Variants in NBEA observed in about 807,000 individuals in gnomAD.
NBEA encodes the protein neurobeachin.
Under a neutral mutation model 343.4 loss-of-function variants are expected in NBEA, and 44 were observed. That is an observed-to-expected ratio of 0.13 (90% CI 0.10 to 0.16). The LOEUF is 0.16. Among genes scored for constraint, NBEA ranks in the 10% least tolerant of loss-of-function variants. The pLI is 1.00. For missense variants in NBEA, 2,555 were observed against 3,631.3 expected (o/e 0.70, Z 7.62); for synonymous variants, 1,175 against 1,238.7 (o/e 0.95, Z 1.08).
At chr13:35,130,473 T>C (rs73167768) in intron 17 of NBEA, among the ~76,000 whole-genome samples, 1 of 151,870 alleles carries the variant, frequency 6.6e-6, no homozygotes, top group African/African-American at 2.4e-5. Context: ...AGGCAAAAAA[T>C]TTAATGAGGA....
At chr13:35,471,844 G>A (rs942510982) in intron 40 of NBEA, among the ~76,000 whole-genome samples, 3 of 152,076 alleles carry the variant, frequency 2.0e-5, no homozygotes, top group East Asian at 1.9e-4. Context: ...GCACGCGTAT[G>A]TATGTGTGTG....
chr13:35,484,274 GTATATA>G (rs202233951), intron 41 of NBEA, among the ~76,000 whole-genome samples: 5,891 of 115,088 alleles, frequency 0.051, 313 homozygotes, highest in African/African-American at 0.13. Context: ...GTGTGTGTGT[GTATATA>G]TATATATATA....
At chr13:35,325,494 T>C (rs1173407952) in intron 36 of NBEA, among the ~76,000 whole-genome samples, 1 of 152,046 alleles carries the variant, frequency 6.6e-6, no homozygotes, top group African/African-American at 2.4e-5. Flanking sequence ...TAATGCTTTA[T>C]AGTTCCTTTT....
At chr13:35,567,057 G>T in intron 45 of NBEA, 40 bp downstream of exon 45, 1 of 1,074,744 alleles carries the variant, frequency 9.3e-7, no homozygotes, top group Non-Finnish European at 1.4e-6. Context: ...TCTTCATAAG[G>T]CTATAGTCTA....
At chr13:34,996,480 G>A (rs1037447881) in intron 1 of NBEA, among the ~76,000 whole-genome samples, 5 of 151,674 alleles carry the variant, frequency 3.3e-5, no homozygotes, top group East Asian at 1.9e-4. Flanking sequence ...GTGTGTGTGT[G>A]TATATATATA....
chr13:35,087,227 A>G (rs1446154499), intron 10 of NBEA, among the ~76,000 whole-genome samples: 1 of 151,800 alleles, frequency 6.6e-6, no homozygotes, highest in Non-Finnish European at 1.5e-5. Flanking sequence ...ATTTGTACTG[A>G]AACAATAAAA....
At chr13:35,255,705 G>T (rs1275687851) in intron 34 of NBEA, among the ~76,000 whole-genome samples, 1 of 152,226 alleles carries the variant, frequency 6.6e-6, no homozygotes, top group Admixed American at 6.5e-5. Flanking sequence ...CCCAGGCTTG[G>T]GGAGCCCCTA....
chr13:35,627,845 G>T (rs1197412891), intron 48 of NBEA, among the ~76,000 whole-genome samples: 3 of 151,982 alleles, frequency 2.0e-5, no homozygotes, highest in African/African-American at 7.3e-5. Flanking sequence ...TAGCATTTTA[G>T]AAAGGGAAAA....
At chr13:35,049,109 A>G (rs2062972218) in intron 5 of NBEA, among the ~76,000 whole-genome samples, 1 of 151,834 alleles carries the variant, frequency 6.6e-6, no homozygotes, top group South Asian at 2.1e-4. Context: ...ATAACTATGT[A>G]AGAAATTATA....
chr13:35,052,021 T>C (rs1467150282), intron 6 of NBEA, among the ~76,000 whole-genome samples: 2 of 152,030 alleles, frequency 1.3e-5, no homozygotes, highest in African/African-American at 4.8e-5. Flanking sequence ...GGAAAACACA[T>C]TCTCCTTTGT....
At chr13:35,062,270 A>T (rs1381850844) in intron 8 of NBEA, among the ~76,000 whole-genome samples, 1 of 151,796 alleles carries the variant, frequency 6.6e-6, no homozygotes, top group African/African-American at 2.4e-5. Context: ...AGCAGAATTA[A>T]TATGATAGAG....
chr13:35,670,164 C>T (rs1886548), intron 58 of NBEA, among the ~76,000 whole-genome samples: 23,638 of 152,136 alleles, frequency 0.16, 1,896 homozygotes, highest in South Asian at 0.26. Context: ...AGTGAAGCAA[C>T]ACTTTATGTA....
chr13:34,995,993 G>A (rs1041352884), intron 1 of NBEA, among the ~76,000 whole-genome samples: 1 of 152,190 alleles, frequency 6.6e-6, no homozygotes, highest in Non-Finnish European at 1.5e-5. Context: ...TTGTTAACTT[G>A]TAGCTGTTGA....
At chr13:35,383,066 C>T (rs1009182904) in intron 38 of NBEA, among the ~76,000 whole-genome samples, 1 of 152,164 alleles carries the variant, frequency 6.6e-6, no homozygotes, top group African/African-American at 2.4e-5. Context: ...TCTCACTATA[C>T]ACTGATTATA....
At chr13:35,380,906 C>T (rs1440992594) in intron 38 of NBEA, among the ~76,000 whole-genome samples, 5 of 152,168 alleles carry the variant, frequency 3.3e-5, no homozygotes, top group East Asian at 3.9e-4. Context: ...TTGTTTGTTT[C>T]GTTTTGCTTT....
At chr13:35,563,299 T>C (rs2079970695) in intron 44 of NBEA, among the ~76,000 whole-genome samples, 1 of 151,944 alleles carries the variant, frequency 6.6e-6, no homozygotes, top group Admixed American at 6.6e-5. Flanking sequence ...ACAAAACAAT[T>C]AGTAATTAAA....
At chr13:35,029,676 C>G (rs2062135993) in intron 1 of NBEA, among the ~76,000 whole-genome samples, 1 of 151,498 alleles carries the variant, frequency 6.6e-6, no homozygotes, top group Admixed American at 6.6e-5. Flanking sequence ...GATTTCAAAT[C>G]AAGATATTTA....
At chr13:34,992,896 G>A (rs1462278141) in intron 1 of NBEA, among the ~76,000 whole-genome samples, 2 of 150,320 alleles carry the variant, frequency 1.3e-5, no homozygotes, top group Non-Finnish European at 3.0e-5. Context: ...TATTAGCCAG[G>A]ATGGTCTCGG....
chr13:35,566,141 T>A (rs1385117893), intron 44 of NBEA, among the ~76,000 whole-genome samples: 1 of 152,102 alleles, frequency 6.6e-6, no homozygotes, highest in Non-Finnish European at 1.5e-5. Context: ...GGCAGATGGA[T>A]CACAAGGTCA....
Sources: gnomAD v4.1 joint callset for allele counts (sites outside exome capture counted in the v4.1 genomes callset) on GRCh38, gnomAD v4.1.1 for gene constraint, MANE v1.5 for transcripts, NCBI Gene and HGNC (gene_info 2026-07-23, HGNC 2026-07-21) for gene names.